CACNA1S: variants seen among roughly 807,000 people sequenced by gnomAD.
CACNA1S encodes voltage-dependent L-type calcium channel subunit alpha-1S.
Under a neutral mutation model 207.4 loss-of-function variants are expected in CACNA1S, and 126 were observed. That is an observed-to-expected ratio of 0.61 (90% CI 0.53 to 0.70). The LOEUF is 0.70. Ranked by LOEUF, CACNA1S falls within the 30% of genes least tolerant of loss-of-function variation. CACNA1S has a pLI of 0.00. For missense variants in CACNA1S, 2,349 were observed against 2,422.8 expected (o/e 0.97, Z 0.64); for synonymous variants, 960 against 932.7 (o/e 1.03, Z -0.53).
In CACNA1S at chr1:201,065,961, C is replaced by A; in HGVS notation, c.2746-16G>T. On this transcript the variant is annotated splice_polypyrimidine_tract_variant and intron_variant, in intron 21 of 43. Transcript: ENST00000362061. ...GCACCACGTGCTGGGGACAGAGGGG[C>A]CAATGGGGACTGGGGGTGCACCCAC... 6.4e-7 allele frequency: 1 copy of A among 1,560,252 alleles called. No homozygotes were observed. The highest frequency in any genetic ancestry group is 8.8e-7 in the Non-Finnish European group (1 of 1,133,398).
chr1:201,055,156 G>A (rs1166399622), intron 28 of CACNA1S, among the ~76,000 whole-genome samples: 1 of 152,180 alleles, frequency 6.6e-6, no homozygotes. Context: ...ATTTCTTCCT[G>A]TTTACTCCCT....
intron 28 of CACNA1S, among the ~76,000 whole-genome samples, chr1:201,058,149 A>G (rs986557128): frequency 7.2e-5 from 11 of 152,160 alleles, no homozygotes; most frequent in African/African-American, 2.7e-4. Flanking sequence ...CCCCACCCAG[A>G]GACGACTTTC....
In CACNA1S at chr1:201,059,242, T is replaced by C. The variant is rs1300296710; in HGVS notation, c.3472A>G (p.Thr1158Ala). Residue 1158 changes from threonine to alanine, a missense_variant, in exon 27 of 44, where the codon ACT (threonine) becomes GCT (alanine). Coordinates refer to ENST00000362061, the MANE Select transcript of CACNA1S (RefSeq NM_000069.3). ...ATCATCTCCAGGGTGAAGATGATAG[T>C]GAAGGCCACATTGAGGATGTCTGAG... Reference protein sequence around the residue: ...HISDILNVAFTIIFTLEMILK... With the variant: ...HISDILNVAFAIIFTLEMILK... The C allele has an allele frequency of 1.2e-6, 2 of 1,614,116 alleles. No homozygotes were observed. The highest frequency in any genetic ancestry group is 8.5e-7 in the Non-Finnish European group (1 of 1,179,974).
chr1:201,077,217 A>G (rs898857440), intron 11 of CACNA1S, 90 bp from the exon 12 acceptor site: 13 of 1,090,946 alleles, frequency 1.2e-5, no homozygotes, highest in Non-Finnish European at 1.7e-5. Context: ...AAGACTCAGG[A>G]CTGATGTGAC....
At position 201,093,842 on chromosome 1, in the gene CACNA1S, C is replaced by T. The variant is rs563239947; in HGVS notation, c.398+40G>A. Reference sequence around the variant, plus strand: ...GTGGCAGTGGGCACACAGTCCTCAGCGAGGGTCTGACCTTCAGTCTCCCCA... The same window carrying T: ...GTGGCAGTGGGCACACAGTCCTCAGTGAGGGTCTGACCTTCAGTCTCCCCA... On this transcript the variant is annotated intron_variant, in intron 3 of 43. Transcript: ENST00000362061. 2.9e-5 allele frequency: 46 copies of T among 1,612,096 alleles called. No individual in the cohort carries two copies. The South Asian group carries it at 3.5e-4, about 12-fold the overall frequency.
rs1173727039 is a variant in CACNA1S, at chr1:201,053,236, G to T, written c.3834C>A (p.Phe1278Leu). The change falls in exon 31 of 44, where the codon TTC becomes TTA. Residue 1278 changes from phenylalanine to leucine, a missense_variant. By Grantham distance (22) the Phe-to-Leu change is conservative (BLOSUM62 0). Coordinates refer to ENST00000362061, the MANE Select transcript of CACNA1S (RefSeq NM_000069.3). The surrounding 1 kb of genome is among the most constrained non-coding windows in gnomAD (Gnocchi z 5.1). ...GCATGCCGATGACAGCGTAGATGAA[G>T]AAGAGCATGACGATGAGCAGAGCCA... ...PYVALLIVML[F>L]FIYAVIGMQM... 6.2e-7 allele frequency: 1 copy of T among 1,614,250 alleles called. No individual in the cohort carries two copies. Among genetic ancestry groups the T allele is most frequent in the Non-Finnish European group, 8.5e-7 (1 of 1,180,046 alleles).
chr1:201,050,234 G>A lies in CACNA1S; in HGVS notation c.4241+155C>T, dbSNP rs10920102. On this transcript the variant is annotated intron_variant, in intron 34 of 43. Transcript: ENST00000362061. Reference sequence around the variant, plus strand: ...AAAGCTGTAGGATTCCCTCCAACCTGGAGATACTCTGATTCTCTGATCTGA... The same window carrying A: ...AAAGCTGTAGGATTCCCTCCAACCTAGAGATACTCTGATTCTCTGATCTGA... 1.1e-3 allele frequency among the ~76,000 whole-genome samples: 164 copies of A among 152,286 alleles called. 3 individuals carry two copies. The highest frequency in any genetic ancestry group is 3.7e-3 in the African/African-American group (155 of 41,564).
intron 10 of CACNA1S, among the ~76,000 whole-genome samples, chr1:201,078,328 C>G (rs1473886373): frequency 1.3e-5 from 2 of 151,968 alleles, no homozygotes. Context: ...ATCAAGTGAT[C>G]CTCCCCACTA....
chr1:201,081,122 C>T (rs1292373412), intron 10 of CACNA1S, among the ~76,000 whole-genome samples: 2 of 152,144 alleles, frequency 1.3e-5, no homozygotes, highest in Admixed American at 6.5e-5. Context: ...AGGGCCCTGG[C>T]TCTATGTAGG....
In CACNA1S at chr1:201,050,411, C is replaced by T; in HGVS notation, c.4219G>A (p.Ala1407Thr). ...CACTTAGCCTCTGGGTCATACTCTG[C>T]CCAGATGGCCTTGAACTCATCCAGG... ...HHLDEFKAIW[A>T]EYDPEAKGRI... Residue 1407 changes from alanine (A) to threonine (T), a missense_variant, in exon 34 of 44, where the codon GCA (alanine) becomes ACA (threonine). Physicochemically the swap from Ala to Thr is moderately conservative, Grantham distance 58. Transcript: ENST00000362061. The T allele has an allele frequency of 6.2e-7, 1 of 1,614,110 alleles. No individual in the cohort carries two copies. Among genetic ancestry groups the T allele is most frequent in the Non-Finnish European group, 8.5e-7 (1 of 1,180,006 alleles).
chr1:201,062,226 G>C (rs1345777237), intron 23 of CACNA1S, 136 bp from the exon 24 acceptor site: 5 of 1,166,644 alleles, frequency 4.3e-6, no homozygotes, highest in Non-Finnish European at 6.2e-6. Context: ...ACACCGCTGG[G>C]CGAGTCCGAG....
rs895543840 is a variant in CACNA1S, at chr1:201,040,770, G to A, written c.5135-57C>T. On this transcript the variant is annotated intron_variant, in intron 41 of 43. Coordinates refer to ENST00000362061, the MANE Select transcript of CACNA1S (RefSeq NM_000069.3). ...GCTGCTGACTCCTGCCAGGAGCCCT[G>A]AGTCAACAGAGGCTCGCTTGGCTGG... 43 of 1,328,754 alleles carry A rather than the reference G, an allele frequency of 3.2e-5. 1 individual carries two copies. The South Asian group carries it at 3.8e-4, about 12-fold the overall frequency. The allele number at this position is 1,328,754 out of a possible 1,614,324, so 82.3% of individuals were successfully genotyped here. A position where few individuals can be genotyped will look rare whatever the true frequency, so the allele number is the denominator to read the frequency against.
chr1:201,073,590 C>T lies in CACNA1S; in HGVS notation c.2116G>A (p.Glu706Lys). 20 of 1,614,222 alleles carry T rather than the reference C, an allele frequency of 1.2e-5. No individual in the cohort carries two copies. The highest frequency in any genetic ancestry group is 2.2e-5 in the East Asian group (1 of 44,884). ...ATGCCCTCACCCTTGGGTTTCTGCTCCAGCTTCTTGGCCATCGTTGACTTC... is the reference window on the plus strand; with the variant it reads ...ATGCCCTCACCCTTGGGTTTCTGCTTCAGCTTCTTGGCCATCGTTGACTTC... ...EEKSTMAKKL[E>K]QKPKGEGIPT... Residue 706 changes from glutamate (E) to lysine (K), a missense_variant, in exon 15 of 44, where the codon GAG becomes AAG. Transcript: ENST00000362061.
rs775037973 is a variant in CACNA1S, at chr1:201,041,579, C to T, written c.5059G>A (p.Glu1687Lys). The change falls in exon 41 of 44, where the codon GAA (glutamate) becomes AAA (lysine). Residue 1687 changes from glutamate to lysine, a missense_variant. By Grantham distance (56) the Glu-to-Lys change is moderately conservative. Coordinates refer to ENST00000362061, the MANE Select transcript of CACNA1S (RefSeq NM_000069.3). ...TCTGTCTCTTCTGGGAACTCCCTTT[C>T]ATAGTGGACACTGAAATGGAAGCAA... ...NSHVFSSVHY[E>K]REFPEETETP... 1 of 1,613,594 alleles carries T rather than the reference C, an allele frequency of 6.2e-7. No homozygotes were observed. Among genetic ancestry groups the T allele is most frequent in the Non-Finnish European group, 8.5e-7 (1 of 1,179,460 alleles).
At chr1:201,073,492 A>T in intron 15 of CACNA1S, 57 bp downstream of exon 15, 1 of 1,364,884 alleles carries the variant, frequency 7.3e-7, no homozygotes, top group Non-Finnish European at 1.1e-6. Context: ...TATGAAGGGA[A>T]CCATGGATTG....
At chr1:201,052,939 A>G (rs1203135913) in intron 31 of CACNA1S, among the ~76,000 whole-genome samples, 4 of 152,130 alleles carry the variant, frequency 2.6e-5, no homozygotes, top group Non-Finnish European at 5.9e-5. Context: ...GAGGGTAGAC[A>G]GAGGCCACCC....
At chr1:201,058,528 C>G (rs750995750) in intron 27 of CACNA1S, 37 bp from the exon 28 acceptor site, 2 of 1,524,146 alleles carry the variant, frequency 1.3e-6, no homozygotes, top group South Asian at 2.2e-5. Flanking sequence ...AGGGGGTGAG[C>G]TTTGGGAGGA....
At chr1:201,071,050 T>A in intron 16 of CACNA1S, among the ~76,000 whole-genome samples, 1 of 152,158 alleles carries the variant, frequency 6.6e-6, no homozygotes, top group East Asian at 1.9e-4. Context: ...GCACATTCAC[T>A]GAGTCTCATG....
chr1:201,091,132 A>C (rs1402595609), intron 5 of CACNA1S, among the ~76,000 whole-genome samples: 1 of 152,146 alleles, frequency 6.6e-6, no homozygotes, highest in Non-Finnish European at 1.5e-5. Context: ...AAAGTTTGAG[A>C]ACTGCTGCTT....
Sources: gnomAD v4.1 joint callset for allele counts (sites outside exome capture counted in the v4.1 genomes callset) on GRCh38, gnomAD v4.1.1 for gene constraint, Gnocchi (gnomAD v3.1) non-coding constraint, MANE v1.5 for transcripts, NCBI Gene and HGNC (gene_info 2026-07-23, HGNC 2026-07-21) for gene names.